GRHL1: variants seen among roughly 807,000 people sequenced by gnomAD.
GRHL1 encodes grainyhead like transcription factor 1, also known as grainyhead-like protein 1 homolog.
Under a neutral mutation model 75.7 loss-of-function variants are expected in GRHL1, and 38 were observed. That is an observed-to-expected ratio of 0.50 (90% CI 0.39 to 0.66). GRHL1 has a LOEUF of 0.66. GRHL1 is among the 30% of genes least tolerant of loss of function. The pLI is 0.00. For synonymous variants in GRHL1, 266 were observed against 279.4 expected (o/e 0.95, Z 0.48); for missense variants, 589 against 767.5 (o/e 0.77, Z 2.75).
intron 9 of GRHL1, among the ~76,000 whole-genome samples, chr2:9,989,796 C>T (rs1668565078): frequency 6.6e-6 from 1 of 152,128 alleles, no homozygotes; most frequent in African/African-American, 2.4e-5. Flanking sequence ...GGGATCCACC[C>T]ACCTCGGCCT....
chr2:9,993,176 T>C (rs1445899380), intron 11 of GRHL1, 31 bp from the exon 12 acceptor site: 1 of 1,543,160 alleles, frequency 6.5e-7, no homozygotes, highest in African/African-American at 1.4e-5. Flanking sequence ...TGAGCATACA[T>C]TTGAAAAGCA....
chr2:9,970,473 A>G (rs1205503659), intron 8 of GRHL1, among the ~76,000 whole-genome samples: 2 of 152,224 alleles, frequency 1.3e-5, no homozygotes. Context: ...AGTCTTTATC[A>G]AACCTTCGGA....
At chr2:9,991,955 T>C in intron 10 of GRHL1, 52 bp from the exon 11 acceptor site, 1 of 1,432,620 alleles carries the variant, frequency 7.0e-7, no homozygotes, top group Non-Finnish European at 9.5e-7. Context: ...ATCCAGTCTG[T>C]ATGTAATCCT....
Position 9,972,391 on chromosome 2 carries a change from G to C in GRHL1, c.1110+7010G>C, listed in dbSNP as rs189023299. 3.3e-5 allele frequency among the ~76,000 whole-genome samples: 5 copies of C among 152,086 alleles called. No homozygotes were observed. In the East Asian group the frequency reaches 9.7e-4, roughly 29 times the overall value. ...CCAGTTTTGCTACTCGGAAACTAAA[G>C]CAGAGAGCTGGACTGTGACCTGCCA... On this transcript the variant is annotated intron_variant, in intron 8 of 15. Coordinates refer to ENST00000324907, the MANE Select transcript of GRHL1 (RefSeq NM_198182.3).
chr2:9,955,628 C>T (rs936185043), intron 2 of GRHL1, among the ~76,000 whole-genome samples: 3 of 152,216 alleles, frequency 2.0e-5, no homozygotes, highest in Non-Finnish European at 4.4e-5. Context: ...TGGAATTTTA[C>T]ATGATTTTCA....
chr2:9,951,768 CG>C lies in GRHL1; in HGVS notation c.-64del. On this transcript the variant is annotated 5_prime_UTR_variant, in exon 1 of 16. Coordinates refer to ENST00000324907, the MANE Select transcript of GRHL1 (RefSeq NM_198182.3). The surrounding 1 kb of genome is among the most constrained non-coding windows in gnomAD (Gnocchi z 4.2). ...AGCCGCCGCCGCCGCCTCCTCCCCC[CG>C]GATCGGGTGTACTGTCCCAACCCGA... is the stretch of plus-strand genomic sequence containing the variant. 1 of 1,453,790 alleles carries C rather than the reference CG, an allele frequency of 6.9e-7. No homozygotes were observed. The highest frequency in any genetic ancestry group is 9.2e-7 in the Non-Finnish European group (1 of 1,087,302). 90.1% of individuals were successfully genotyped at this position (1,453,790 alleles called of 1,614,324 possible). A position where few individuals can be genotyped will look rare whatever the true frequency, so the allele number is the denominator to read the frequency against.
Position 9,964,232 on chromosome 2 carries a change from CAGAGTGT to C in GRHL1, c.904-2_908del, listed in dbSNP as rs1314580441. 1 of 1,576,022 alleles carries C rather than the reference CAGAGTGT, an allele frequency of 6.3e-7. No homozygotes were observed. Among genetic ancestry groups the C allele is most frequent in the African/African-American group, 1.4e-5 (1 of 74,036 alleles). ...TTATGTTGTAATGCATTCTCTTTCACAGAGTGTGATCATGGTGGTTTTTGCTGAAGAC... is the reference window on the plus strand; with the variant it reads ...TTATGTTGTAATGCATTCTCTTTCACGATCATGGTGGTTTTTGCTGAAGAC... On this transcript the variant is annotated splice_acceptor_variant and coding_sequence_variant, in exon 7 of 16. Transcript: ENST00000324907. LOFTEE classifies it high-confidence loss of function.
At chr2:9,952,063 C>T (rs1476713356) in intron 1 of GRHL1, among the ~76,000 whole-genome samples, 1 of 151,606 alleles carries the variant, frequency 6.6e-6, no homozygotes, top group Non-Finnish European at 1.5e-5. Flanking sequence ...GAGGAGAGAC[C>T]CTGTCCTCGG....
intron 2 of GRHL1, among the ~76,000 whole-genome samples, chr2:9,956,607 CT>C (rs964884204): frequency 4.0e-4 from 61 of 152,180 alleles, no homozygotes; most frequent in African/African-American, 1.3e-3. Flanking sequence ...GAGGTAAGCT[CT>C]TTTTTCTTTG....
rs781351226 is a variant in GRHL1 at position 9,955,119 on chromosome 2, T to TA, written c.207+22dup. The TA allele has an allele frequency of 3.8e-6, 6 of 1,561,136 alleles. 1 individual carries two copies. In the South Asian group the frequency reaches 6.8e-5, roughly 18 times the overall value. Reference sequence around the variant, plus strand: ...ACTACAAGGTGGGTTTGCCTGCCTTTAAAACCCTTAACAGCAGTCTCCAAT... The same window carrying TA: ...ACTACAAGGTGGGTTTGCCTGCCTTTAAAAACCCTTAACAGCAGTCTCCAAT... On this transcript the variant is annotated intron_variant, in intron 2 of 15. Coordinates refer to ENST00000324907, the MANE Select transcript of GRHL1 (RefSeq NM_198182.3).
chr2:9,961,296 C>G lies in GRHL1; in HGVS notation c.529C>G (p.Pro177Ala), dbSNP rs555628494. 1.2e-6 allele frequency: 2 copies of G among 1,614,188 alleles called. No individual in the cohort carries two copies. The highest frequency in any genetic ancestry group is 2.2e-5 in the South Asian group (2 of 91,076). The stretch of plus-strand genomic sequence containing the variant: ...GGGAATCCCCCCAGCAGTGTATCAT[C>G]CTGAGCCCACTGAGCGGGTGGTGGT... ...AVGIPPAVYHPEPTERVVVFD... is the reference protein window; with the variant it reads ...AVGIPPAVYHAEPTERVVVFD... Residue 177 changes from proline to alanine, a missense_variant, in exon 4 of 16, where the codon CCT (proline) becomes GCT (alanine). Pro to Ala is a conservative substitution (Grantham distance 27). Transcript: ENST00000324907.
chr2:10,001,836 C>T lies in GRHL1; in HGVS notation c.*1129C>T, dbSNP rs1179855011. 6.6e-6 allele frequency: 1 copy of T among 152,468 alleles called. No individual in the cohort carries two copies. Among genetic ancestry groups the T allele is most frequent in the Non-Finnish European group, 1.5e-5 (1 of 68,048 alleles). The allele number at this position is 152,468 out of a possible 1,614,324, so 9.4% of individuals were successfully genotyped here. On this transcript the variant is annotated 3_prime_UTR_variant, in exon 16 of 16. Transcript: ENST00000324907. Reference sequence around the variant, plus strand: ...GTGATACAACTCGAAATGCAGTTCTCATCTTCCTGTTTTGAGAAATGATTA... The same window carrying T: ...GTGATACAACTCGAAATGCAGTTCTTATCTTCCTGTTTTGAGAAATGATTA...
In GRHL1 at chr2:9,965,134, C is replaced by T. The variant is rs76609438; in HGVS notation, c.1016-153C>T. On this transcript the variant is annotated intron_variant, in intron 7 of 15. Coordinates refer to ENST00000324907, the MANE Select transcript of GRHL1 (RefSeq NM_198182.3). ...CAAAAACTCTGTGATTCTTTTTCTT[C>T]GTATTTTGAACTTCTTCTAATCGAA... 3.2e-3 allele frequency: 1,706 copies of T among 534,760 alleles called. 25 individuals are homozygous for T. Among genetic ancestry groups the T allele is most frequent in the African/African-American group, 0.029 (1,566 of 53,200 alleles). The allele number at this position is 534,760 out of a possible 1,614,324, so 33.1% of individuals were successfully genotyped here. A position where few individuals can be genotyped will look rare whatever the true frequency, so the allele number is the denominator to read the frequency against.
intron 2 of GRHL1, among the ~76,000 whole-genome samples, chr2:9,958,174 CTTTTTT>C (rs61051898): frequency 5.9e-4 from 77 of 130,770 alleles, no homozygotes; most frequent in African/African-American, 2.2e-3. Context: ...TTCTTTTTTT[CTTTTTT>C]TTTTTTTTTT....
In GRHL1 at chr2:9,962,483, G is replaced by T. The variant is rs931819940; in HGVS notation, c.698G>T (p.Arg233Leu). 6.2e-7 allele frequency: 1 copy of T among 1,603,462 alleles called. No individual in the cohort carries two copies. ...EVFFPSDLSLRMPGMNSEDYV... is the reference protein window; with the variant it reads ...EVFFPSDLSLLMPGMNSEDYV... Reference sequence around the variant, plus strand: ...TTCTTCCCCTCGGATCTCAGTCTGCGGATGCCTGGCATGAATTCAGAGGAC... The same window carrying T: ...TTCTTCCCCTCGGATCTCAGTCTGCTGATGCCTGGCATGAATTCAGAGGAC... The change falls in exon 5 of 16, where the codon CGG becomes CTG. Residue 233 changes from arginine (R) to leucine (L), a missense_variant. Transcript: ENST00000324907.
At chr2:9,988,928 A>G (rs1314499137) in intron 9 of GRHL1, among the ~76,000 whole-genome samples, 1 of 152,088 alleles carries the variant, frequency 6.6e-6, no homozygotes, top group Admixed American at 6.5e-5. Context: ...CCTATTTTGT[A>G]ATAGGACTGC....
At chr2:9,971,344 T>C (rs544980740) in intron 8 of GRHL1, among the ~76,000 whole-genome samples, 11 of 152,164 alleles carry the variant, frequency 7.2e-5, no homozygotes, top group African/African-American at 2.6e-4. Context: ...GGGAGAGAAG[T>C]GAGTCAAACA....
chr2:9,988,233 C>G (rs1054720153), intron 9 of GRHL1, among the ~76,000 whole-genome samples: 1 of 152,174 alleles, frequency 6.6e-6, no homozygotes, highest in African/African-American at 2.4e-5. Context: ...ATTTGCTAGG[C>G]GGATCTGGAG....
chr2:9,980,911 G>A (rs901337906), intron 8 of GRHL1, among the ~76,000 whole-genome samples: 1 of 152,180 alleles, frequency 6.6e-6, no homozygotes, highest in Non-Finnish European at 1.5e-5. Context: ...ATAGTGGAGT[G>A]TTTTCTGTAA....
Sources: allele counts gnomAD v4.1 joint callset (sites outside exome capture counted in the v4.1 genomes callset), GRCh38; gene constraint gnomAD v4.1.1; non-coding constraint Gnocchi (gnomAD v3.1); transcripts MANE v1.5; gene names NCBI Gene and HGNC (gene_info 2026-07-23, HGNC 2026-07-21).